Variants in RNF220 observed in about 807,000 individuals in gnomAD.
RNF220 encodes the protein ring finger protein 220, also known as E3 ubiquitin-protein ligase RNF220.
In RNF220, 7 loss-of-function variants were observed where a neutral mutation model predicts 67.1. That is an observed-to-expected ratio of 0.10 (90% CI 0.06 to 0.20). The LOEUF (loss-of-function observed/expected upper bound fraction) is 0.20, where lower values mean the gene tolerates loss of function less well. Among genes scored for constraint, RNF220 ranks in the 10% least tolerant of loss-of-function variants. The pLI, the probability that RNF220 is intolerant of heterozygous loss-of-function variation, is 1.00. For missense variants in RNF220, 565 were observed against 740.3 expected, an observed-to-expected ratio of 0.76 and a Z score of 2.75; for synonymous variants, 270 against 283.2, an observed-to-expected ratio of 0.95 and a Z score of 0.47.
intron 2 of RNF220, among the ~76,000 whole-genome samples, chr1:44,466,231 C>T (rs1003329049): frequency 2.6e-5 from 4 of 152,224 alleles, no homozygotes; most frequent in African/African-American, 9.6e-5. Context: ...TAAGAAGCAA[C>T]TCCTCATCCA....
chr1:44,485,166 T>C (rs1440945909), intron 2 of RNF220, among the ~76,000 whole-genome samples: 1 of 152,102 alleles, frequency 6.6e-6, no homozygotes, highest in Non-Finnish European at 1.5e-5. Flanking sequence ...GTTGCTTAGG[T>C]AATTGTTCTG....
chr1:44,546,876 C>T (rs1662201556), intron 2 of RNF220, among the ~76,000 whole-genome samples: 1 of 152,252 alleles, frequency 6.6e-6, no homozygotes, highest in Non-Finnish European at 1.5e-5. Flanking sequence ...AGCAGCCTCT[C>T]CAGGCGCCTC....
rs182819268 is a variant in RNF220 at position 44,628,377 on chromosome 1, G to C, written c.906+1979G>C. 1.6e-4 allele frequency among the ~76,000 whole-genome samples: 24 copies of C among 152,252 alleles called. No homozygotes were observed. In the East Asian group the frequency reaches 4.0e-3, roughly 26 times the overall value. ...TGGACTCTCTTGCCTAAAAACATAC[G>C]CATGTGTTTTTACATACACACAGGC... is the stretch of plus-strand genomic sequence containing the variant. On this transcript the variant is annotated intron_variant, in intron 5 of 14. Transcript: ENST00000361799.
At chr1:44,605,028 G>A (rs911771616) in intron 2 of RNF220, among the ~76,000 whole-genome samples, 1 of 152,162 alleles carries the variant, frequency 6.6e-6, no homozygotes, top group African/African-American at 2.4e-5. Context: ...GGGGCCGGGC[G>A]CGGTGGCTCA....
At chr1:44,527,475 A>G (rs545045924) in intron 2 of RNF220, among the ~76,000 whole-genome samples, 1 of 152,286 alleles carries the variant, frequency 6.6e-6, no homozygotes, top group African/African-American at 2.4e-5. Flanking sequence ...TTAATGAATT[A>G]AGCCAGGCAC....
At chr1:44,499,651 T>C (rs1657652132) in intron 2 of RNF220, among the ~76,000 whole-genome samples, 1 of 151,722 alleles carries the variant, frequency 6.6e-6, no homozygotes, top group South Asian at 2.1e-4. Context: ...TCCCAGGTGA[T>C]CCCTCCAGGG....
At chr1:44,640,444 C>T (rs1343131556) in intron 8 of RNF220, among the ~76,000 whole-genome samples, 2 of 152,234 alleles carry the variant, frequency 1.3e-5, no homozygotes, top group Non-Finnish European at 2.9e-5. Flanking sequence ...AAGGCACCTT[C>T]TGTCCCCCGT....
chr1:44,550,810 C>G (rs1007456105), intron 2 of RNF220, among the ~76,000 whole-genome samples: 2 of 152,116 alleles, frequency 1.3e-5, no homozygotes. Flanking sequence ...ATGCTCAGGG[C>G]GTTCTTGGGC....
At chr1:44,592,017 T>G (rs962131304) in intron 2 of RNF220, among the ~76,000 whole-genome samples, 1 of 152,152 alleles carries the variant, frequency 6.6e-6, no homozygotes, top group Non-Finnish European at 1.5e-5. Flanking sequence ...GCCTCACTCC[T>G]TACTCCACAC....
At chr1:44,470,655 C>T (rs1007864737) in intron 2 of RNF220, among the ~76,000 whole-genome samples, 1 of 151,980 alleles carries the variant, frequency 6.6e-6, no homozygotes, top group African/African-American at 2.4e-5. Flanking sequence ...AGACCTTTAC[C>T]ACCACTCCAC....
chr1:44,593,089 C>A (rs890089935), intron 2 of RNF220, among the ~76,000 whole-genome samples: 1 of 152,204 alleles, frequency 6.6e-6, no homozygotes, highest in African/African-American at 2.4e-5. Context: ...AGAACAGATC[C>A]AGGAGCAGAC....
Position 44,610,756 on chromosome 1 carries a change from G to A in RNF220, c.626-3409G>A, listed in dbSNP as rs749441961. On this transcript the variant is annotated intron_variant, in intron 2 of 14. Coordinates refer to ENST00000361799, the MANE Select transcript of RNF220 (RefSeq NM_018150.4). ...CTGAACTAAGGATTCCAGGGGCCTC[G>A]CCAGCCTGAAATGGACTTCCAGATT... Among the ~76,000 whole-genome samples the A allele has an allele frequency of 1.2e-4, 18 of 152,228 alleles. No individual in the cohort carries two copies. In the Middle Eastern group the frequency reaches 0.01, roughly 86 times the overall value.
chr1:44,632,291 G>A lies in RNF220; in HGVS notation c.907-52G>A, dbSNP rs975608320. 2.0e-5 allele frequency: 33 copies of A among 1,613,764 alleles called. No individual in the cohort carries two copies. In the Admixed American group the frequency reaches 5.2e-4, roughly 25 times the overall value. ...GGGGCGGGGGCCAGGACTGCAGGCC[G>A]CGCCTGACGCTCTCTTTTCTTTTCT... On this transcript the variant is annotated intron_variant, in intron 5 of 14. Transcript: ENST00000361799.
intron 2 of RNF220, among the ~76,000 whole-genome samples, chr1:44,521,420 T>C (rs945458499): frequency 6.6e-6 from 1 of 152,086 alleles, no homozygotes; most frequent in Non-Finnish European, 1.5e-5. Flanking sequence ...TAACCAAATA[T>C]AAGTGAAATG....
intron 2 of RNF220, among the ~76,000 whole-genome samples, chr1:44,523,761 C>G (rs1660127922): frequency 6.6e-6 from 1 of 152,180 alleles, no homozygotes; most frequent in Non-Finnish European, 1.5e-5. Flanking sequence ...TGCTATCCCC[C>G]AGGGCCCAAG....
intron 2 of RNF220, among the ~76,000 whole-genome samples, chr1:44,506,193 A>G (rs1658406952): frequency 6.6e-6 from 1 of 152,240 alleles, no homozygotes. Context: ...AATCCTGGCC[A>G]GTGCCCAGCA....
intron 2 of RNF220, among the ~76,000 whole-genome samples, chr1:44,449,440 T>C (rs1371960058): frequency 1.3e-5 from 2 of 152,050 alleles, no homozygotes; most frequent in East Asian, 1.9e-4. Context: ...TTTTTTTTTT[T>C]CCTCACCCTG....
At chr1:44,551,020 T>G (rs1240017080) in intron 2 of RNF220, among the ~76,000 whole-genome samples, 2 of 151,890 alleles carry the variant, frequency 1.3e-5, no homozygotes, top group Non-Finnish European at 2.9e-5. Context: ...GAAACTAAAG[T>G]CATTGTCTTC....
In RNF220 at chr1:44,405,425, T is replaced by G. The variant is rs1439702547; in HGVS notation, c.-223T>G. Reference sequence around the variant, plus strand: ...TGCCGCCGCCGCCGCCGCCGCTGCCTCCGCCGGCTCTGCGAACCCGGGACT... The same window carrying G: ...TGCCGCCGCCGCCGCCGCCGCTGCCGCCGCCGGCTCTGCGAACCCGGGACT... On this transcript the variant is annotated 5_prime_UTR_variant, in exon 1 of 15. Coordinates refer to ENST00000361799, the MANE Select transcript of RNF220 (RefSeq NM_018150.4). 3 of 629,770 alleles carry G rather than the reference T, an allele frequency of 4.8e-6. No homozygotes were observed. The highest frequency in any genetic ancestry group is 8.6e-6 in the Non-Finnish European group (3 of 348,546). 39.0% of individuals were successfully genotyped at this position (629,770 alleles called of 1,614,324 possible).
Sources: gnomAD v4.1 joint callset for allele counts (sites outside exome capture counted in the v4.1 genomes callset) on GRCh38, gnomAD v4.1.1 for gene constraint, MANE v1.5 for transcripts, NCBI Gene and HGNC (gene_info 2026-07-23, HGNC 2026-07-21) for gene names.